Variants in MACROD1 observed in about 807,000 individuals in gnomAD.
MACROD1 encodes the protein ADP-ribose glycohydrolase MACROD1.
Under a neutral mutation model 41.4 loss-of-function variants are expected in MACROD1, and 31 were observed. That is an observed-to-expected ratio of 0.75 (90% CI 0.56 to 1.01). The LOEUF is 1.01. Ranked by LOEUF, MACROD1 falls within the 50% of genes least tolerant of loss-of-function variation. The pLI is 0.00. For missense variants in MACROD1, 473 were observed against 460.0 expected (o/e 1.03, Z -0.26); for synonymous variants, 252 against 203.4 (o/e 1.24, Z -2.03).
chr11:64,040,137 T>C (rs900847135), intron 3 of MACROD1, among the ~76,000 whole-genome samples: 8 of 152,270 alleles, frequency 5.3e-5, no homozygotes, highest in African/African-American at 1.9e-4. Context: ...GTGGGTGTCT[T>C]GCCCTCAGGG....
At chr11:64,157,621 G>A (rs1189372047) in intron 1 of MACROD1, among the ~76,000 whole-genome samples, 1 of 152,222 alleles carries the variant, frequency 6.6e-6, no homozygotes, top group East Asian at 1.9e-4. Flanking sequence ...GAAGCTTCCA[G>A]CGGCTCCCAG....
chr11:64,025,127 C>T (rs550536481), intron 3 of MACROD1, among the ~76,000 whole-genome samples: 4 of 152,226 alleles, frequency 2.6e-5, no homozygotes, highest in South Asian at 4.1e-4. Context: ...TACAGGCACA[C>T]GACACCACAC....
At chr11:64,055,186 G>A in intron 3 of MACROD1, among the ~76,000 whole-genome samples, 1 of 152,236 alleles carries the variant, frequency 6.6e-6, no homozygotes, top group Non-Finnish European at 1.5e-5. Flanking sequence ...CTGGCATGGA[G>A]CCCAGCCTGC....
Position 64,043,168 on chromosome 11 carries a change from A to G in MACROD1, c.518-27887T>C, listed in dbSNP as rs1323677373. Among the ~76,000 whole-genome samples, 2 of 149,238 alleles carry G rather than the reference A, an allele frequency of 1.3e-5. 1 individual carries two copies. Among genetic ancestry groups the G allele is most frequent in the Non-Finnish European group, 2.9e-5 (2 of 68,026 alleles). On this transcript the variant is annotated intron_variant, in intron 3 of 10. Transcript: ENST00000255681. ...TACGTGCTGACATCCCAGGGTTAGC[A>G]TGAAGACTCCATGTGACTGTGTCCA...
At chr11:64,017,925 T>C (rs1471145280) in intron 3 of MACROD1, among the ~76,000 whole-genome samples, 8 of 152,116 alleles carry the variant, frequency 5.3e-5, no homozygotes, top group African/African-American at 1.9e-4. Flanking sequence ...TGTTCTGCAG[T>C]CCCCTGTGGG....
chr11:64,049,788 G>A (rs1337758638), intron 3 of MACROD1, among the ~76,000 whole-genome samples: 3 of 152,206 alleles, frequency 2.0e-5, no homozygotes, highest in Non-Finnish European at 4.4e-5. Flanking sequence ...GCCTGTGGGG[G>A]ACCCACAAGT....
rs1944324202 is a variant in MACROD1, at chr11:64,082,614, C to T, written c.518-67333G>A. Among the ~76,000 whole-genome samples, 1 of 152,074 alleles carries T rather than the reference C, an allele frequency of 6.6e-6. No homozygotes were observed. The highest frequency in any genetic ancestry group is 2.4e-5 in the African/African-American group (1 of 41,420). On this transcript the variant is annotated intron_variant, in intron 3 of 10. Transcript: ENST00000255681. The surrounding 1 kb of genome is among the most constrained non-coding windows in gnomAD (Gnocchi z 4.5). The stretch of plus-strand genomic sequence containing the variant: ...GGGGTCCCTGGGCTGAAGACGGAAC[C>T]TCTGAGTGCAGGCACCAGGTGGGAG...
chr11:64,095,583 A>G (rs549097752), intron 3 of MACROD1, among the ~76,000 whole-genome samples: 2 of 152,184 alleles, frequency 1.3e-5, no homozygotes, highest in African/African-American at 4.8e-5. Context: ...TAGAGAACTG[A>G]GGTTGCTAGT....
rs1316282870 is a variant in MACROD1, at chr11:64,070,741, G to A, written c.518-55460C>T. ...AGCAAAACAGCTGCCTGCTCCTCCC[G>A]CTGCAATAAAAATGGATTTATTTGT... On this transcript the variant is annotated intron_variant, in intron 3 of 10. Coordinates refer to ENST00000255681, the MANE Select transcript of MACROD1 (RefSeq NM_014067.4). 2.6e-5 allele frequency among the ~76,000 whole-genome samples: 4 copies of A among 152,172 alleles called. No individual in the cohort carries two copies. In the East Asian group the frequency reaches 7.7e-4, roughly 29 times the overall value.
At chr11:64,152,471 G>T in intron 1 of MACROD1, 78 bp from the exon 2 acceptor site, 1 of 1,147,732 alleles carries the variant, frequency 8.7e-7, no homozygotes, top group Non-Finnish European at 1.3e-6. Context: ...CTCCTTTCTT[G>T]CCTCATCCAA....
In MACROD1 at chr11:64,125,105, G is replaced by A. The variant is rs566458680; in HGVS notation, c.517+26134C>T. The stretch of plus-strand genomic sequence containing the variant: ...GAGACCACTGTCACTGTCCCCTCCC[G>A]CCCCTTGTCACTGAAATGCCCGGCC... On this transcript the variant is annotated intron_variant, in intron 3 of 10. Transcript: ENST00000255681. 4.3e-4 allele frequency among the ~76,000 whole-genome samples: 65 copies of A among 152,176 alleles called. No individual in the cohort carries two copies. In the South Asian group the frequency reaches 7.3e-3, roughly 17 times the overall value.
chr11:64,103,069 CAA>C (rs36005898), intron 3 of MACROD1: 2 of 140,076 alleles, frequency 1.4e-5, no homozygotes, highest in African/African-American at 5.3e-5. Context: ...GACTCCATCT[CAA>C]AAAAAAAAAC....
intron 3 of MACROD1, chr11:64,118,940 C>A (rs969716623): frequency 8.0e-4 from 132 of 165,524 alleles, no homozygotes; most frequent in Non-Finnish European, 1.2e-3. Flanking sequence ...AAAAAAAAAA[C>A]AAACTTTTTT....
chr11:63,999,519 TC>T lies in MACROD1; in HGVS notation c.817+10del. 1.9e-6 allele frequency: 3 copies of T among 1,605,784 alleles called. No homozygotes were observed. Among genetic ancestry groups the T allele is most frequent in the Non-Finnish European group, 2.5e-6 (3 of 1,176,862 alleles). On this transcript the variant is annotated intron_variant, in intron 7 of 10. Coordinates refer to ENST00000255681, the MANE Select transcript of MACROD1 (RefSeq NM_014067.4). ...GCCCACTCCTGGTCCTTGCCTTTCT[TC>T]CAGACTCACCAAACACGCCGGTGGA...
intron 3 of MACROD1, chr11:64,117,924 C>T (rs1440958457): frequency 6.2e-7 from 1 of 1,613,950 alleles, no homozygotes; most frequent in Non-Finnish European, 8.5e-7. Context: ...GAGCCTGCCC[C>T]TGGCGGGCAT....
rs1166342735 is a variant in MACROD1 at position 64,120,399 on chromosome 11, G to A, written c.517+30840C>T. On this transcript the variant is annotated intron_variant, in intron 3 of 10. Transcript: ENST00000255681. The surrounding 1 kb of genome is among the most constrained non-coding windows in gnomAD (Gnocchi z 4.5). ...TAATGTCAGGTCTGTATAAAAGGCA[G>A]CCCCAGGCCGGGTGCAGTGGCTCAC... is the stretch of plus-strand genomic sequence containing the variant. Among the ~76,000 whole-genome samples the A allele has an allele frequency of 6.6e-6, 1 of 152,184 alleles. No homozygotes were observed. Among genetic ancestry groups the A allele is most frequent in the Admixed American group, 6.5e-5 (1 of 15,284 alleles).
At chr11:64,006,070 T>C (rs1315852684) in intron 4 of MACROD1, among the ~76,000 whole-genome samples, 1 of 152,062 alleles carries the variant, frequency 6.6e-6, no homozygotes, top group Admixed American at 6.6e-5. Context: ...CCCGGGGAAA[T>C]GGGGGAAACT....
intron 3 of MACROD1, among the ~76,000 whole-genome samples, chr11:64,113,514 T>C (rs548242346): frequency 6.0e-5 from 8 of 132,240 alleles, no homozygotes; most frequent in African/African-American, 2.3e-4. Flanking sequence ...GGATGGATAA[T>C]TGGATGGATG....
At chr11:64,125,750 C>T (rs1945168800) in intron 3 of MACROD1, among the ~76,000 whole-genome samples, 1 of 152,232 alleles carries the variant, frequency 6.6e-6, no homozygotes, top group African/African-American at 2.4e-5. Context: ...TTCTCCAAGA[C>T]TTGCCTTGAG....
Sources: gnomAD v4.1 joint callset for allele counts (sites outside exome capture counted in the v4.1 genomes callset) on GRCh38, gnomAD v4.1.1 for gene constraint, Gnocchi (gnomAD v3.1) non-coding constraint, MANE v1.5 for transcripts, NCBI Gene and HGNC (gene_info 2026-07-23, HGNC 2026-07-21) for gene names.